The following B4GALT6 variants were observed in gnomAD, a reference collection of about 807,000 sequenced individuals.
B4GALT6 encodes beta-1,4-galactosyltransferase 6.
B4GALT6 carries 14 observed loss-of-function variants against 46.3 expected under a neutral mutation model. The observed-to-expected ratio is 0.30, with a 90% confidence interval of 0.20 to 0.47. B4GALT6 has a LOEUF of 0.47. Ranked by LOEUF, B4GALT6 falls within the 20% of genes least tolerant of loss-of-function variation. The pLI is 0.99. For synonymous variants in B4GALT6, 168 were observed against 162.0 expected (o/e 1.04, Z -0.28); for missense variants, 386 against 480.1 (o/e 0.80, Z 1.83).
intron 1 of B4GALT6, among the ~76,000 whole-genome samples, chr18:31,674,015 G>A (rs993817401): frequency 3.3e-5 from 5 of 152,144 alleles, no homozygotes; most frequent in East Asian, 1.9e-4. Context: ...GCTGGAAGTC[G>A]CAGAAGGATT....
intron 6 of B4GALT6, among the ~76,000 whole-genome samples, chr18:31,630,106 C>T (rs1419616337): frequency 1.8e-5 from 1 of 54,712 alleles, no homozygotes; most frequent in Non-Finnish European, 3.5e-5. Flanking sequence ...AGGAGGGGAG[C>T]GGGAGTGGGG....
chr18:31,675,613 G>A (rs539885489), intron 1 of B4GALT6, among the ~76,000 whole-genome samples: 1 of 152,222 alleles, frequency 6.6e-6, no homozygotes, highest in Non-Finnish European at 1.5e-5. Context: ...AAGCATGACA[G>A]GAACCCTAAG....
In B4GALT6 at chr18:31,623,262, A is replaced by G. The variant is rs1442954160; in HGVS notation, c.*2352T>C. 2 of 152,220 alleles carry G rather than the reference A, an allele frequency of 1.3e-5. No individual in the cohort carries two copies. The highest frequency in any genetic ancestry group is 4.8e-5 in the African/African-American group (2 of 41,460). The allele number at this position is 152,220 out of a possible 1,614,324, so 9.4% of individuals were successfully genotyped here. A position where few individuals can be genotyped will look rare whatever the true frequency, so the allele number is the denominator to read the frequency against. On this transcript the variant is annotated 3_prime_UTR_variant, in exon 9 of 9. Transcript: ENST00000306851. ...AGCTCTGTCACTCTCACAGAAACAT[A>G]TTAAGTTCACTGTTTATAGGCAAAA...
chr18:31,645,108 T>A (rs1353919445), intron 4 of B4GALT6, among the ~76,000 whole-genome samples: 1 of 152,194 alleles, frequency 6.6e-6, no homozygotes, highest in African/African-American at 2.4e-5. Flanking sequence ...GTCACGTATT[T>A]ATTACCAGGA....
chr18:31,724,633 C>A, the B4GALT6 span: 2 of 1,044,372 alleles, frequency 1.9e-6, no homozygotes. Flanking sequence ...CTGCTGCACA[C>A]TGGGATCTGA....
At chr18:31,691,731 T>C in the B4GALT6 span, among the ~76,000 whole-genome samples, 1 of 152,144 alleles carries the variant, frequency 6.6e-6, no homozygotes, top group Non-Finnish European at 1.5e-5. Flanking sequence ...TGAATTAAGA[T>C]ATAGGATTCA....
At chr18:31,661,466 T>C (rs1037711126) in intron 2 of B4GALT6, among the ~76,000 whole-genome samples, 1 of 152,182 alleles carries the variant, frequency 6.6e-6, no homozygotes, top group African/African-American at 2.4e-5. Context: ...TGCAAGAATA[T>C]GAATAAATGA....
At chr18:31,685,403 AG>A (rs2074535508), upstream of B4GALT6, among the ~76,000 whole-genome samples, 2 of 151,370 alleles carry the variant, frequency 1.3e-5, no homozygotes, top group African/African-American at 4.8e-5. Context: ...GGAGCCGCGG[AG>A]GAAAACCGGG....
At chr18:31,653,435 C>CTTTTTTTTTTTTTTTTTTTTT (rs5823819) in intron 3 of B4GALT6, among the ~76,000 whole-genome samples, 1 of 74,148 alleles carries the variant, frequency 1.3e-5, no homozygotes, top group Non-Finnish European at 2.4e-5. Context: ...AACCTTTTTT[C>CTTTTTTTTTTTTTTTTTTTTT]TTTTTTTTTT....
rs1390849099 is a variant in B4GALT6 at position 31,622,696 on chromosome 18, T to C, written c.*2918A>G. ...TTAATACATAACTGTATCTACTTAA[T>C]ATTATAAAGTTTTCTTACTGAATAA... is the stretch of plus-strand genomic sequence containing the variant. On this transcript the variant is annotated 3_prime_UTR_variant, in exon 9 of 9. Coordinates refer to ENST00000306851, the MANE Select transcript of B4GALT6 (RefSeq NM_004775.5). 2 of 152,054 alleles carry C rather than the reference T, an allele frequency of 1.3e-5. No homozygotes were observed. Among genetic ancestry groups the C allele is most frequent in the Admixed American group, 6.5e-5 (1 of 15,278 alleles). 9.4% of individuals were successfully genotyped at this position (152,054 alleles called of 1,614,324 possible). A position where few individuals can be genotyped will look rare whatever the true frequency, so the allele number is the denominator to read the frequency against.
Position 31,631,642 on chromosome 18 carries a change from A to G in B4GALT6, c.589-496T>C, listed in dbSNP as rs185523877. Among the ~76,000 whole-genome samples, 1,207 of 152,284 alleles carry G rather than the reference A, an allele frequency of 7.9e-3. 10 individuals carry two copies. The highest frequency in any genetic ancestry group is 0.026 in the South Asian group (125 of 4,824). ...AAAAAAAAGTCATTAAAAATAATAT[A>G]AGTTTTATTTTGTTAGTGGAGCTTT... is the stretch of plus-strand genomic sequence containing the variant. On this transcript the variant is annotated intron_variant, in intron 5 of 8. Transcript: ENST00000306851.
chr18:31,696,272 G>C, the B4GALT6 span, among the ~76,000 whole-genome samples: 1 of 152,072 alleles, frequency 6.6e-6, no homozygotes, highest in Non-Finnish European at 1.5e-5. Context: ...TGGAAGACAG[G>C]TAACATGATC....
chr18:31,647,174 T>G lies in B4GALT6; in HGVS notation c.347-1695A>C, dbSNP rs548797440. Among the ~76,000 whole-genome samples, 3 of 152,376 alleles carry G rather than the reference T, an allele frequency of 2.0e-5. No homozygotes were observed. The East Asian group carries it at 5.8e-4, about 29-fold the overall frequency. ...ATAGTATGCATGATTGCTAAAATGA[T>G]AGTAATTAGGCTAAATAATAAGCAG... is the stretch of plus-strand genomic sequence containing the variant. On this transcript the variant is annotated intron_variant, in intron 3 of 8. Transcript: ENST00000306851.
intron 1 of B4GALT6, among the ~76,000 whole-genome samples, chr18:31,675,790 T>C (rs1302105947): frequency 3.3e-5 from 5 of 152,268 alleles, no homozygotes; most frequent in Non-Finnish European, 7.4e-5. Context: ...CAGGAAACAT[T>C]ATAAAATTGT....
intron 5 of B4GALT6, among the ~76,000 whole-genome samples, chr18:31,631,550 A>T (rs533876465): frequency 6.6e-6 from 1 of 152,262 alleles, no homozygotes; most frequent in South Asian, 2.1e-4. Context: ...GTACATCAGC[A>T]CATTTAAATA....
chr18:31,683,826 C>A (rs2074509424), intron 1 of B4GALT6, among the ~76,000 whole-genome samples: 1 of 152,042 alleles, frequency 6.6e-6, no homozygotes, highest in Non-Finnish European at 1.5e-5. Flanking sequence ...GGTCCACTGA[C>A]CCCATTCTAA....
intron 1 of B4GALT6, among the ~76,000 whole-genome samples, chr18:31,669,156 C>A (rs1598919879): frequency 6.6e-6 from 1 of 152,206 alleles, no homozygotes; most frequent in East Asian, 1.9e-4. Context: ...ATTCTTGATA[C>A]AATTTGGAGT....
At chr18:31,687,442 C>T (rs1290872514), upstream of B4GALT6, among the ~76,000 whole-genome samples, 2 of 152,144 alleles carry the variant, frequency 1.3e-5, no homozygotes, top group Admixed American at 6.5e-5. Context: ...AGGGTCTCAG[C>T]TCATGTTTAA....
chr18:31,629,845 G>T (rs2073758650), intron 6 of B4GALT6, among the ~76,000 whole-genome samples: 1 of 136,412 alleles, frequency 7.3e-6, no homozygotes, highest in Admixed American at 7.6e-5. Context: ...GCGAGACTCT[G>T]TCTCAAAAAA....
Sources: gnomAD v4.1 joint callset for allele counts (sites outside exome capture counted in the v4.1 genomes callset) on GRCh38, gnomAD v4.1.1 for gene constraint, MANE v1.5 for transcripts, NCBI Gene and HGNC (gene_info 2026-07-23, HGNC 2026-07-21) for gene names.